Variants in VPS54 observed in about 807,000 individuals in gnomAD.
The protein encoded by VPS54 is vacuolar protein sorting-associated protein 54.
A neutral mutation model predicts 121.5 loss-of-function variants in VPS54; 45 were observed. The ratio of observed to expected loss-of-function variants is 0.37; its 90% confidence interval spans 0.29 to 0.47. The LOEUF is 0.47. VPS54 is among the 20% of genes least tolerant of loss of function. The pLI, the probability that VPS54 is intolerant of heterozygous loss-of-function variation, is 0.99. For missense variants in VPS54, 1,090 were observed against 1,131.4 expected (o/e 0.96, Z 0.52); for synonymous variants, 371 against 385.8 (o/e 0.96, Z 0.45).
chr2:63,920,592 G>A lies in VPS54; in HGVS notation c.1905C>T (p.Phe635=), dbSNP rs1350852876. 2.6e-6 allele frequency: 4 copies of A among 1,532,504 alleles called. No homozygotes were observed. Among genetic ancestry groups the A allele is most frequent in the Middle Eastern group, 1.7e-4 (1 of 5,754 alleles). 94.9% of individuals were successfully genotyped at this position (1,532,504 alleles called of 1,614,324 possible). The change falls in exon 14 of 23, where the codon TTC becomes TTT. Residue 635 remains phenylalanine, a synonymous_variant. Coordinates refer to ENST00000272322, the MANE Select transcript of VPS54 (RefSeq NM_016516.3). The part of the protein sequence containing the change: ...GFLEKLNSME[F]ITLSRLMETF... ...TTTCCATTAATCTAGAAAGTGTTATGAATTCCATGGAATTTAGCTTCTCAA... is the reference window on the plus strand; with the variant it reads ...TTTCCATTAATCTAGAAAGTGTTATAAATTCCATGGAATTTAGCTTCTCAA...
At chr2:63,971,943 C>A (rs899885181) in intron 4 of VPS54, among the ~76,000 whole-genome samples, 5 of 152,118 alleles carry the variant, frequency 3.3e-5, no homozygotes, top group African/African-American at 1.2e-4. Context: ...ACATACCAAC[C>A]ACGAAGATAT....
chr2:63,936,451 AAAT>A (rs1674456603), intron 11 of VPS54, among the ~76,000 whole-genome samples: 1 of 152,196 alleles, frequency 6.6e-6, no homozygotes, highest in Non-Finnish European at 1.5e-5. Context: ...CAGCTAAGCC[AAAT>A]ATAATTTTCC....
At chr2:63,940,242 T>C (rs1296729366) in intron 11 of VPS54, among the ~76,000 whole-genome samples, 1 of 152,188 alleles carries the variant, frequency 6.6e-6, no homozygotes, top group Non-Finnish European at 1.5e-5. Context: ...TCAATAAAAA[T>C]GAACAGCTTG....
chr2:63,988,778 GAAC>G (rs1406787495), intron 1 of VPS54, among the ~76,000 whole-genome samples: 1 of 152,022 alleles, frequency 6.6e-6, no homozygotes, highest in Non-Finnish European at 1.5e-5. Context: ...ATGTATGTTT[GAAC>G]AATATGAAAT....
intron 16 of VPS54, among the ~76,000 whole-genome samples, chr2:63,914,965 A>C (rs1302130702): frequency 6.6e-6 from 1 of 151,716 alleles, no homozygotes; most frequent in Non-Finnish European, 1.5e-5. Context: ...GACCAGCCTG[A>C]CAGTGGAGAA....
chr2:63,989,117 A>G (rs1303295308), intron 1 of VPS54, among the ~76,000 whole-genome samples: 2 of 152,150 alleles, frequency 1.3e-5, no homozygotes, highest in Non-Finnish European at 2.9e-5. Flanking sequence ...TAGGATTAGG[A>G]AATTCCTGCC....
intron 11 of VPS54, among the ~76,000 whole-genome samples, chr2:63,938,133 C>T (rs897317499): frequency 2.7e-5 from 4 of 149,188 alleles, no homozygotes; most frequent in Admixed American, 6.7e-5. Flanking sequence ...TGCATGTGTG[C>T]GTGGCTGTGT....
chr2:63,970,593 GAGACTT>G (rs1676238194), intron 4 of VPS54, among the ~76,000 whole-genome samples: 1 of 151,990 alleles, frequency 6.6e-6, no homozygotes, highest in Non-Finnish European at 1.5e-5. Context: ...CAAAATAAAG[GAGACTT>G]CTCAGTGTAC....
intron 3 of VPS54, among the ~76,000 whole-genome samples, chr2:63,979,869 G>C (rs1676728910): frequency 6.6e-6 from 1 of 151,948 alleles, no homozygotes; most frequent in African/African-American, 2.4e-5. Flanking sequence ...TCTTCTAAAT[G>C]TATTAAAATT....
intron 10 of VPS54, 37 bp from the exon 11 acceptor site, chr2:63,942,598 C>G (rs1207281525): frequency 6.7e-7 from 1 of 1,495,656 alleles, no homozygotes; most frequent in Non-Finnish European, 9.1e-7. Flanking sequence ...TAATGATTGT[C>G]TCTGGGCCAA....
At chr2:63,898,331 A>G (rs10175673) in intron 21 of VPS54, among the ~76,000 whole-genome samples, 36 of 152,284 alleles carry the variant, frequency 2.4e-4, no homozygotes, top group African/African-American at 8.7e-4. Context: ...TGTGGAATGG[A>G]AAGGATGGCT....
intron 18 of VPS54, among the ~76,000 whole-genome samples, chr2:63,912,885 T>C (rs1003533388): frequency 1.3e-5 from 2 of 152,204 alleles, no homozygotes; most frequent in African/African-American, 2.4e-5. Context: ...ACTCAAGTTG[T>C]GAGTATTATC....
chr2:63,901,559 C>T (rs950723921), intron 20 of VPS54, among the ~76,000 whole-genome samples: 3 of 152,170 alleles, frequency 2.0e-5, no homozygotes, highest in African/African-American at 7.2e-5. Context: ...CCCAGTAGCA[C>T]AGGTATTCAG....
chr2:64,015,446 TG>T (rs1324764522), intron 1 of VPS54, among the ~76,000 whole-genome samples: 2 of 152,168 alleles, frequency 1.3e-5, no homozygotes, highest in Non-Finnish European at 2.9e-5. Flanking sequence ...TTCTCCCACC[TG>T]GTAGGAATCA....
intron 12 of VPS54, among the ~76,000 whole-genome samples, chr2:63,923,762 T>C (rs1375915839): frequency 3.3e-5 from 5 of 152,200 alleles, no homozygotes; most frequent in Admixed American, 2.0e-4. Flanking sequence ...CTTATTTGCA[T>C]TGCAATAAAC....
chr2:63,923,802 G>A (rs921155813), intron 12 of VPS54, among the ~76,000 whole-genome samples: 1 of 152,156 alleles, frequency 6.6e-6, no homozygotes, highest in African/African-American at 2.4e-5. Context: ...TTTGAAGTAA[G>A]AAAATAGGGA....
At chr2:63,972,303 G>T in intron 3 of VPS54, 59 bp from the exon 4 acceptor site, 3 of 1,326,880 alleles carry the variant, frequency 2.3e-6, no homozygotes, top group Non-Finnish European at 3.2e-6. Flanking sequence ...TTCAAAGCAT[G>T]AAAGTGTTTT....
At chr2:63,920,081 A>C in intron 14 of VPS54, 86 bp from the exon 15 acceptor site, 1 of 1,137,086 alleles carries the variant, frequency 8.8e-7, no homozygotes. Context: ...AGAAGAGCTG[A>C]GTGAGAACAT....
intron 7 of VPS54, among the ~76,000 whole-genome samples, chr2:63,955,379 C>A (rs1384050102): frequency 6.6e-6 from 1 of 151,892 alleles, no homozygotes; most frequent in Non-Finnish European, 1.5e-5. Flanking sequence ...GAGGTTAGCA[C>A]TCAGGTATGT....
Sources: gnomAD v4.1 joint callset for allele counts (sites outside exome capture counted in the v4.1 genomes callset) on GRCh38, gnomAD v4.1.1 for gene constraint, MANE v1.5 for transcripts, NCBI Gene and HGNC (gene_info 2026-07-23, HGNC 2026-07-21) for gene names.